Variants in DOCK8 observed in about 807,000 individuals in gnomAD.
DOCK8 encodes dedicator of cytokinesis protein 8.
DOCK8 carries 141 observed loss-of-function variants against 245.6 expected under a neutral mutation model. The observed-to-expected ratio is 0.57, with a 90% CI of 0.50 to 0.66. The LOEUF is 0.66. Among genes scored for constraint, DOCK8 ranks in the 30% least tolerant of loss-of-function variants. The pLI, the probability that DOCK8 is intolerant of heterozygous loss-of-function variation, is 0.00. For missense variants in DOCK8, 2,965 were observed against 2,603.4 expected, an observed-to-expected ratio of 1.14 and a Z score of -3.02; for synonymous variants, 1,168 against 970.2, an observed-to-expected ratio of 1.20 and a Z score of -3.79.
chr9:408,318 ACT>A (rs2055535908), intron 28 of DOCK8, among the ~76,000 whole-genome samples: 2 of 152,186 alleles, frequency 1.3e-5, no homozygotes, highest in South Asian at 4.1e-4. Flanking sequence ...CGCTGAAGTG[ACT>A]CTATGTCTGC....
intron 5 of DOCK8, among the ~76,000 whole-genome samples, chr9:307,321 T>C (rs2049880596): frequency 1.4e-5 from 2 of 141,356 alleles, no homozygotes; most frequent in Admixed American, 1.5e-4. Context: ...GTCACTGTGT[T>C]GTGTGTGGTT....
chr9:376,437 G>T, intron 19 of DOCK8, 132 bp downstream of exon 19: 2 of 760,264 alleles, frequency 2.6e-6, no homozygotes, highest in East Asian at 2.6e-5. Flanking sequence ...TCTTTGTGGG[G>T]ACATGCAAAC....
intron 18 of DOCK8, among the ~76,000 whole-genome samples, chr9:372,890 C>T (rs1199099484): frequency 2.0e-5 from 3 of 152,110 alleles, no homozygotes; most frequent in Non-Finnish European, 4.4e-5. Context: ...ATTAGCTGGG[C>T]CTGCTGTTGG....
chr9:383,918 A>G (rs1172787533), intron 22 of DOCK8, among the ~76,000 whole-genome samples: 2 of 152,162 alleles, frequency 1.3e-5, no homozygotes, highest in East Asian at 1.9e-4. Flanking sequence ...AACATTTTAC[A>G]TTCAAATGGT....
intron 1 of DOCK8, among the ~76,000 whole-genome samples, chr9:241,387 C>T (rs905957621): frequency 3.9e-5 from 6 of 152,164 alleles, no homozygotes; most frequent in African/African-American, 9.7e-5. Context: ...TCCCTTCCCC[C>T]TACCCTTCCT....
chr9:269,210 T>G (rs1490072911), intron 1 of DOCK8, among the ~76,000 whole-genome samples: 7 of 152,222 alleles, frequency 4.6e-5, no homozygotes, highest in African/African-American at 1.7e-4. Context: ...CCACTCTCCA[T>G]TTCTCTACAA....
intron 2 of DOCK8, chr9:273,055 T>C (rs1413823872): frequency 4.1e-6 from 4 of 985,338 alleles, no homozygotes; most frequent in Admixed American, 6.1e-5. Flanking sequence ...CGCCATTTTG[T>C]CTCCTGTAAC....
In DOCK8 at chr9:418,502, A is replaced by G. The variant is rs533629066; in HGVS notation, c.3840+295A>G. ...AGGCTGGTCTCAAACTCCCAACCTC[A>G]GATGGTACACCCACCTCAGCCTCCC... On this transcript the variant is annotated intron_variant, in intron 30 of 47. Transcript: ENST00000432829. Among the ~76,000 whole-genome samples the G allele has an allele frequency of 2.0e-3, 302 of 152,258 alleles. 3 individuals carry two copies. Among genetic ancestry groups the G allele is most frequent in the African/African-American group, 7.0e-3 (292 of 41,544 alleles).
chr9:246,670 T>G (rs1391305745), intron 1 of DOCK8, among the ~76,000 whole-genome samples: 1 of 152,236 alleles, frequency 6.6e-6, no homozygotes, highest in Admixed American at 6.5e-5. Context: ...TTTTTAATAT[T>G]GTATAAAATG....
At chr9:403,861 TC>T (rs2055229974) in intron 26 of DOCK8, among the ~76,000 whole-genome samples, 4 of 56,916 alleles carry the variant, frequency 7.0e-5, no homozygotes, top group African/African-American at 3.9e-4. Flanking sequence ...ACTCTGTATC[TC>T]TCTCTCTCTC....
At chr9:459,871 T>C (rs955998823) in intron 46 of DOCK8, 6 of 152,228 alleles carry the variant, frequency 3.9e-5, no homozygotes, top group Admixed American at 1.3e-4. Flanking sequence ...AGAACTCTTA[T>C]AGTACAGAAC....
At chr9:400,485 CCAT>C (rs1437016635) in intron 26 of DOCK8, among the ~76,000 whole-genome samples, 3 of 28,192 alleles carry the variant, frequency 1.1e-4, no homozygotes, top group Non-Finnish European at 1.3e-4. Context: ...ACCTCCTTCA[CCAT>C]CACCACCACC....
intron 1 of DOCK8, among the ~76,000 whole-genome samples, chr9:263,323 G>T (rs2047963791): frequency 6.6e-6 from 1 of 151,728 alleles, no homozygotes; most frequent in South Asian, 2.1e-4. Flanking sequence ...AACAATACAT[G>T]TTTGACTTAT....
intron 1 of DOCK8, among the ~76,000 whole-genome samples, chr9:219,821 C>T (rs887668673): frequency 6.6e-6 from 1 of 152,088 alleles, no homozygotes; most frequent in Non-Finnish European, 1.5e-5. Context: ...CACTCGAACC[C>T]AGGAAGTTGA....
Position 379,761 on chromosome 9 carries a change from G to T in DOCK8, c.2441-10G>T, listed in dbSNP as rs767152847. ...CTGTGGGACTACCCATTTTTCTCTT[G>T]GTTCCTCAGCCAACTTCTCCCAGTT... On this transcript the variant is annotated splice_polypyrimidine_tract_variant and intron_variant, in intron 20 of 47. Coordinates refer to ENST00000432829, the MANE Select transcript of DOCK8 (RefSeq NM_203447.4). 6.2e-7 allele frequency: 1 copy of T among 1,614,098 alleles called. No homozygotes were observed. The highest frequency in any genetic ancestry group is 8.5e-7 in the Non-Finnish European group (1 of 1,180,018).
chr9:448,288 T>G (rs1340926776), intron 44 of DOCK8, among the ~76,000 whole-genome samples: 2 of 152,140 alleles, frequency 1.3e-5, no homozygotes, highest in East Asian at 3.9e-4. Context: ...ATATATTTTG[T>G]AAGAGACAGG....
chr9:394,533 G>A lies in DOCK8; in HGVS notation c.2971-2252G>A, dbSNP rs1040890790. 6.6e-5 allele frequency among the ~76,000 whole-genome samples: 10 copies of A among 152,316 alleles called. 1 individual carries two copies. The highest frequency in any genetic ancestry group is 5.8e-4 in the East Asian group (3 of 5,190). On this transcript the variant is annotated intron_variant, in intron 24 of 47. Transcript: ENST00000432829. ...CCTCTAGTTGTGTCAGTGCCCAAGC[G>A]CTAATGAACAACCACTTTGGCATTA...
At chr9:378,108 T>C (rs969728258) in intron 20 of DOCK8, among the ~76,000 whole-genome samples, 1 of 152,178 alleles carries the variant, frequency 6.6e-6, no homozygotes, top group African/African-American at 2.4e-5. Flanking sequence ...AGAGGACTTA[T>C]AATATGGCAA....
intron 1 of DOCK8, among the ~76,000 whole-genome samples, chr9:246,029 G>T (rs1037902620): frequency 1.3e-5 from 2 of 152,122 alleles, no homozygotes; most frequent in Non-Finnish European, 2.9e-5. Context: ...AGACCAACCT[G>T]GGCAACATGG....
Sources: allele counts gnomAD v4.1 joint callset (sites outside exome capture counted in the v4.1 genomes callset), GRCh38; gene constraint gnomAD v4.1.1; transcripts MANE v1.5; gene names NCBI Gene and HGNC (gene_info 2026-07-23, HGNC 2026-07-21).